Variants in PARD3 observed in about 807,000 individuals in gnomAD.
The protein encoded by PARD3 is par-3 family cell polarity regulator, also known as partitioning defective 3 homolog.
A neutral mutation model predicts 155.4 loss-of-function variants in PARD3; 75 were observed. The ratio of observed to expected loss-of-function variants is 0.48; its 90% CI spans 0.40 to 0.58. The LOEUF is 0.58. Among genes scored for constraint, PARD3 ranks in the 20% least tolerant of loss-of-function variants. The pLI, the probability that PARD3 is intolerant of heterozygous loss-of-function variation, is 0.00. For missense variants in PARD3, 1,642 were observed against 1,721.7 expected (o/e 0.95, Z 0.82); for synonymous variants, 576 against 610.5 (o/e 0.94, Z 0.83).
At chr10:34,353,326 T>C (rs1589276431) in intron 14 of PARD3, among the ~76,000 whole-genome samples, 1 of 152,200 alleles carries the variant, frequency 6.6e-6, no homozygotes, top group African/African-American at 2.4e-5. Context: ...ACTGTGTCTG[T>C]GTAGAAAGAA....
At chr10:34,605,022 T>G (rs2090109305) in intron 2 of PARD3, among the ~76,000 whole-genome samples, 1 of 152,042 alleles carries the variant, frequency 6.6e-6, no homozygotes, top group Admixed American at 6.6e-5. Context: ...AGGGAAAACT[T>G]TCACTGAGTT....
intron 2 of PARD3, among the ~76,000 whole-genome samples, chr10:34,576,393 T>C (rs1486762807): frequency 6.6e-6 from 1 of 151,842 alleles, no homozygotes; most frequent in Non-Finnish European, 1.5e-5. Flanking sequence ...AATAGCCAAA[T>C]CAAGGAATCT....
chr10:34,278,804 T>C (rs7893437), intron 21 of PARD3, among the ~76,000 whole-genome samples: 3,884 of 152,250 alleles, frequency 0.026, 147 homozygotes, highest in African/African-American at 0.089. Context: ...CAGACTAATA[T>C]ACTGTCTGAT....
chr10:34,342,700 G>A (rs1214514559), intron 15 of PARD3, among the ~76,000 whole-genome samples: 2 of 152,120 alleles, frequency 1.3e-5, no homozygotes, highest in African/African-American at 4.8e-5. Flanking sequence ...TTAAAAGTCT[G>A]TATTGTATTG....
chr10:34,622,780 T>C (rs2091756819), intron 2 of PARD3, among the ~76,000 whole-genome samples: 1 of 151,516 alleles, frequency 6.6e-6, no homozygotes, highest in African/African-American at 2.4e-5. Context: ...TCTACAGGAA[T>C]CAAACTGTTC....
In PARD3 at chr10:34,384,245, C is replaced by A; in HGVS notation, c.900G>T (p.Gly300=). The part of the protein sequence containing the change: ...PFSARGGRTL[G]LLVKRLEKGG... ...CTTTCTCCAATCGTTTTACTAATAA[C>A]CCCAGGGTTCTGGAACATTAAGAAT... is the stretch of plus-strand genomic sequence containing the variant. The change falls in exon 8 of 25, where the codon GGG becomes GGT. Residue 300 remains glycine, a synonymous_variant. Transcript: ENST00000374788. 1.2e-6 allele frequency: 2 copies of A among 1,613,416 alleles called. No individual in the cohort carries two copies. The highest frequency in any genetic ancestry group is 1.1e-5 in the South Asian group (1 of 91,040).
chr10:34,217,096 T>C (rs186973242), intron 22 of PARD3, among the ~76,000 whole-genome samples: 8 of 152,256 alleles, frequency 5.3e-5, no homozygotes, highest in East Asian at 1.9e-4. Flanking sequence ...GTGTGGGTGA[T>C]AGGAAATCGT....
Position 34,111,554 on chromosome 10 carries a change from C to T in PARD3, c.3677G>A (p.Arg1226Lys), listed in dbSNP as rs1389561859. 2 of 1,593,748 alleles carry T rather than the reference C, an allele frequency of 1.3e-6. No individual in the cohort carries two copies. Among genetic ancestry groups the T allele is most frequent in the South Asian group, 2.2e-5 (2 of 89,554 alleles). The change falls in exon 25 of 25, where the codon AGG becomes AAG. Residue 1226 changes from arginine (R) to lysine (K), a missense_variant. Arg to Lys is a conservative substitution (Grantham distance 26). Coordinates refer to ENST00000374788, the MANE Select transcript of PARD3 (RefSeq NM_001184785.2). ...RQYSSLPRQS[R>K]KNASSVSQDS... ...CTGGGAGACCGAGCTGGCATTTTTC[C>T]TGCTTTGCCTAGAAAGCAAAACCCA...
intron 2 of PARD3, among the ~76,000 whole-genome samples, chr10:34,605,052 TTA>T (rs1434448368): frequency 2.0e-5 from 3 of 152,186 alleles, no homozygotes; most frequent in East Asian, 1.9e-4. Flanking sequence ...GTGATTATTA[TTA>T]TATGTTTCCT....
At chr10:34,810,654 T>A (rs1161454182) in intron 1 of PARD3, among the ~76,000 whole-genome samples, 1 of 152,168 alleles carries the variant, frequency 6.6e-6, no homozygotes, top group Non-Finnish European at 1.5e-5. Flanking sequence ...CGTTTTTAAG[T>A]AAACAGGAAA....
At chr10:34,240,146 A>G (rs982843759) in intron 22 of PARD3, among the ~76,000 whole-genome samples, 1 of 152,218 alleles carries the variant, frequency 6.6e-6, no homozygotes, top group Non-Finnish European at 1.5e-5. Flanking sequence ...CTTAGAGGTT[A>G]AGCAACTTGA....
intron 2 of PARD3, among the ~76,000 whole-genome samples, chr10:34,666,796 A>AAAAAAAAAATATAT (rs1358640964): frequency 3.9e-4 from 26 of 66,946 alleles, no homozygotes; most frequent in African/African-American, 1.5e-3. Context: ...AAAAAAAAAA[A>AAAAAAAAAATATAT]ATATATATAT....
chr10:34,775,684 G>A (rs187160861), intron 1 of PARD3, among the ~76,000 whole-genome samples: 1 of 152,316 alleles, frequency 6.6e-6, no homozygotes, highest in East Asian at 1.9e-4. Context: ...CAAAGTAGAT[G>A]AAGTATTGCT....
intron 2 of PARD3, among the ~76,000 whole-genome samples, chr10:34,635,920 GT>G (rs1447296248): frequency 6.6e-6 from 1 of 151,854 alleles, no homozygotes; most frequent in Non-Finnish European, 1.5e-5. Context: ...TTAATCCCAG[GT>G]CAATGAGAAC....
intron 2 of PARD3, among the ~76,000 whole-genome samples, chr10:34,665,969 C>T (rs1008643271): frequency 2.1e-4 from 32 of 151,022 alleles, no homozygotes; most frequent in Non-Finnish European, 3.4e-4. Flanking sequence ...ATTCTAGCAC[C>T]ACGGGAGGCC....
intron 2 of PARD3, among the ~76,000 whole-genome samples, chr10:34,645,825 T>C (rs2092820179): frequency 6.6e-6 from 1 of 152,052 alleles, no homozygotes. Flanking sequence ...TTAGAGCAAA[T>C]TATTAAAACG....
chr10:34,381,421 A>C (rs1841809831), intron 9 of PARD3, among the ~76,000 whole-genome samples: 1 of 152,208 alleles, frequency 6.6e-6, no homozygotes, highest in Non-Finnish European at 1.5e-5. Context: ...ATGGATCAGG[A>C]ACAGTAAAAG....
intron 22 of PARD3, among the ~76,000 whole-genome samples, chr10:34,135,552 C>G (rs1947849552): frequency 6.6e-6 from 1 of 152,154 alleles, no homozygotes. Flanking sequence ...GCTTCTACAT[C>G]TTCAAATTGG....
intron 2 of PARD3, among the ~76,000 whole-genome samples, chr10:34,521,968 C>A (rs2082174314): frequency 6.6e-6 from 1 of 152,152 alleles, no homozygotes; most frequent in Admixed American, 6.5e-5. Context: ...ACCTTACTCT[C>A]CTCATTTGGA....
Sources: gnomAD v4.1 joint callset for allele counts (sites outside exome capture counted in the v4.1 genomes callset) on GRCh38, gnomAD v4.1.1 for gene constraint, MANE v1.5 for transcripts, NCBI Gene and HGNC (gene_info 2026-07-23, HGNC 2026-07-21) for gene names.